The following RBM39 variants were observed in gnomAD, a reference collection of about 807,000 sequenced individuals.
RBM39 encodes the protein RNA binding motif protein 39, also known as RNA-binding protein 39.
RBM39 carries 12 observed loss-of-function variants against 79.6 expected under a neutral mutation model. That is an observed-to-expected ratio of 0.15 (90% CI 0.10 to 0.24). The LOEUF (loss-of-function observed/expected upper bound fraction) is 0.24. RBM39 is among the 10% of genes least tolerant of loss of function. The pLI is 1.00. For missense variants in RBM39, 243 were observed against 653.4 expected, an observed-to-expected ratio of 0.37 and a Z score of 6.85; for synonymous variants, 185 against 208.4, an observed-to-expected ratio of 0.89 and a Z score of 0.97.
rs1390023352 is a variant in RBM39 at position 35,729,207 on chromosome 20, A to T, written c.416+105T>A. Reference sequence around the variant, plus strand: ...GTACTGGAAGTGCAAAAGAAAGCAAAAGCAAGATTTAATATGGTCCAAATT... The same window carrying T: ...GTACTGGAAGTGCAAAAGAAAGCAATAGCAAGATTTAATATGGTCCAAATT... On this transcript the variant is annotated intron_variant, in intron 6 of 16. Coordinates refer to ENST00000253363, the MANE Select transcript of RBM39 (RefSeq NM_184234.3). 1.6e-5 allele frequency: 16 copies of T among 1,025,876 alleles called. No homozygotes were observed. In the East Asian group the frequency reaches 3.6e-4, roughly 23 times the overall value. 63.5% of individuals were successfully genotyped at this position (1,025,876 alleles called of 1,614,324 possible). A position where few individuals can be genotyped will look rare whatever the true frequency, so the allele number is the denominator to read the frequency against.
At chr20:35,734,115 G>T in intron 3 of RBM39, 1 of 812,512 alleles carries the variant, frequency 1.2e-6, no homozygotes, top group Non-Finnish European at 1.7e-6. Context: ...GAGCAACTGA[G>T]GTCTGCCTCA....
intron 10 of RBM39, 29 bp downstream of exon 10, chr20:35,716,711 T>A: frequency 5.3e-6 from 7 of 1,313,516 alleles, no homozygotes; most frequent in South Asian, 1.3e-5. Flanking sequence ...AAAAAAACCC[T>A]AAGTAATATA....
chr20:35,707,631 AGTT>A (rs2035905429), intron 13 of RBM39: 2 of 187,004 alleles, frequency 1.1e-5, no homozygotes, highest in Admixed American at 5.7e-5. Flanking sequence ...CTGCCCACGA[AGTT>A]TTTTAAATCT....
intron 3 of RBM39, chr20:35,734,077 C>T: frequency 2.6e-6 from 1 of 380,740 alleles, no homozygotes; most frequent in South Asian, 3.1e-5. Flanking sequence ...TTGTTTATTC[C>T]TTATCAAAGC....
rs989323095 is a variant in RBM39 at position 35,703,045 on chromosome 20, A to T, written c.*1436T>A. ...GTAAAACTTGTGCTTCAATGCTAAC[A>T]AAAAAAAAAGTTGAACAAATGAGGT... On this transcript the variant is annotated 3_prime_UTR_variant, in exon 17 of 17. Transcript: ENST00000253363. 4.7e-5 allele frequency: 7 copies of T among 147,900 alleles called. No individual in the cohort carries two copies. The highest frequency in any genetic ancestry group is 1.4e-4 in the Admixed American group (2 of 14,356). 9.2% of individuals were successfully genotyped at this position (147,900 alleles called of 1,614,324 possible).
chr20:35,707,529 G>A (rs911920345), intron 13 of RBM39: 5 of 195,174 alleles, frequency 2.6e-5, no homozygotes, highest in Non-Finnish European at 5.3e-5. Flanking sequence ...GGATAAAATA[G>A]ATTTGAGTTT....
At chr20:35,741,046 T>TTTTTTTTTTTTTG in intron 1 of RBM39, among the ~76,000 whole-genome samples, 159 bp from the exon 2 acceptor site, 1 of 134,410 alleles carries the variant, frequency 7.4e-6, no homozygotes, top group African/African-American at 2.7e-5. Context: ...TTTTTTTTTT[T>TTTTTTTTTTTTTG]TTTTTGAGAC....
intron 12 of RBM39, 107 bp from the exon 13 acceptor site, chr20:35,709,381 A>G (rs2036126858): frequency 1.1e-6 from 1 of 928,920 alleles, no homozygotes; most frequent in Non-Finnish European, 1.6e-6. Context: ...AAATGCACTT[A>G]GTAAAACCTG....
chr20:35,712,807 G>A (rs373199207), intron 12 of RBM39, among the ~76,000 whole-genome samples: 9 of 152,012 alleles, frequency 5.9e-5, no homozygotes, highest in East Asian at 3.9e-4. Context: ...AAAAACTGGG[G>A]TGCAGGGTTT....
intron 9 of RBM39, among the ~76,000 whole-genome samples, chr20:35,717,117 C>T: frequency 6.6e-6 from 1 of 151,774 alleles, no homozygotes; most frequent in Admixed American, 6.6e-5. Flanking sequence ...AGGTCTCCAC[C>T]AAAAATACAA....
At chr20:35,739,284 TAA>T (rs979666918) in intron 2 of RBM39, 2 of 480,902 alleles carry the variant, frequency 4.2e-6, no homozygotes, top group African/African-American at 4.0e-5. Context: ...GTTTAGATAT[TAA>T]AAGTTATCCA....
chr20:35,704,917 C>G (rs1196117379), intron 15 of RBM39, 171 bp from the exon 16 acceptor site: 2 of 620,818 alleles, frequency 3.2e-6, no homozygotes, highest in African/African-American at 3.7e-5. Context: ...AAAATGACTT[C>G]TACTCTCAAA....
At chr20:35,721,605 G>A in intron 9 of RBM39, 135 bp downstream of exon 9, 1 of 992,882 alleles carries the variant, frequency 1.0e-6, no homozygotes, top group Non-Finnish European at 1.4e-6. Flanking sequence ...TGTTGTCACA[G>A]AAATTTTTAT....
intron 9 of RBM39, among the ~76,000 whole-genome samples, chr20:35,719,843 C>G (rs2378392): frequency 0.81 from 123,552 of 151,924 alleles, 50,637 homozygotes; most frequent in East Asian, 0.88. Flanking sequence ...GTTATCCAGG[C>G]GTGATCTCGG....
chr20:35,727,865 TCTTGAA>T (rs2146656729), intron 6 of RBM39, among the ~76,000 whole-genome samples: 1 of 152,228 alleles, frequency 6.6e-6, no homozygotes, highest in East Asian at 1.9e-4. Context: ...GCCAGGCTGG[TCTTGAA>T]CTTCTGACCT....
chr20:35,739,731 T>G (rs2040325815), intron 2 of RBM39: 2 of 329,430 alleles, frequency 6.1e-6, no homozygotes, highest in Non-Finnish European at 1.2e-5. Context: ...AGAAAGTAGC[T>G]CTTCAAGAGT....
intron 10 of RBM39, among the ~76,000 whole-genome samples, chr20:35,715,892 CTCTCCA>C (rs2037063460): frequency 6.6e-6 from 1 of 152,018 alleles, no homozygotes; most frequent in African/African-American, 2.4e-5. Flanking sequence ...TCCTCTCCCT[CTCTCCA>C]AGTGACACAC....
At chr20:35,737,046 CAA>C (rs1019823803) in intron 3 of RBM39, among the ~76,000 whole-genome samples, 1 of 150,758 alleles carries the variant, frequency 6.6e-6, no homozygotes, top group Non-Finnish European at 1.5e-5. Context: ...ATCATGAGGT[CAA>C]GAGATGGAGA....
At chr20:35,716,972 T>C (rs1024735864) in intron 9 of RBM39, among the ~76,000 whole-genome samples, 167 bp from the exon 10 acceptor site, 2 of 151,900 alleles carry the variant, frequency 1.3e-5, no homozygotes, top group Non-Finnish European at 2.9e-5. Flanking sequence ...GAAACTATAA[T>C]TTTATATGTA....
Sources: allele counts gnomAD v4.1 joint callset (sites outside exome capture counted in the v4.1 genomes callset), GRCh38; gene constraint gnomAD v4.1.1; transcripts MANE v1.5; gene names NCBI Gene and HGNC (gene_info 2026-07-23, HGNC 2026-07-21).